The following PRKAR1B variants were observed in gnomAD, a reference collection of about 807,000 sequenced individuals.
The protein encoded by PRKAR1B is protein kinase cAMP-dependent type I regulatory subunit beta, also known as cAMP-dependent protein kinase type I-beta regulatory subunit.
Under a neutral mutation model 46.5 loss-of-function variants are expected in PRKAR1B, and 22 were observed. The observed-to-expected ratio is 0.47, with a 90% CI of 0.34 to 0.68. The LOEUF (loss-of-function observed/expected upper bound fraction) is 0.68, where lower values mean the gene tolerates loss of function less well. Among genes scored for constraint, PRKAR1B ranks in the 30% least tolerant of loss-of-function variants. The pLI, the probability that PRKAR1B is intolerant of heterozygous loss-of-function variation, is 0.01. For synonymous variants in PRKAR1B, 259 were observed against 217.7 expected (o/e 1.19, Z -1.67); for missense variants, 445 against 535.6 (o/e 0.83, Z 1.67).
intron 7 of PRKAR1B, among the ~76,000 whole-genome samples, chr7:588,783 ATGG>A (rs1276252554): frequency 2.4e-5 from 3 of 125,152 alleles, no homozygotes; most frequent in African/African-American, 1.0e-4. Flanking sequence ...GATGGTGGTG[ATGG>A]TGGTGAGGAT....
chr7:705,358 A>T lies in PRKAR1B; in HGVS notation c.177+5971T>A, dbSNP rs568133785. Among the ~76,000 whole-genome samples the T allele has an allele frequency of 4.2e-4, 64 of 152,054 alleles. 1 individual carries two copies. The highest frequency in any genetic ancestry group is 1.5e-3 in the African/African-American group (64 of 41,490). ...AAAAAAACATTTTAGGTGCCACCAT[A>T]TACCTATTAGAATGGCTAAACGTTT... On this transcript the variant is annotated intron_variant, in intron 2 of 10. Transcript: ENST00000537384.
chr7:563,301 C>G (rs959372992), intron 9 of PRKAR1B, among the ~76,000 whole-genome samples: 5 of 152,258 alleles, frequency 3.3e-5, no homozygotes. Context: ...CGGGATACCC[C>G]AGTTTTCTTT....
Position 657,813 on chromosome 7 carries a change from T to G in PRKAR1B, c.440+19416A>C, listed in dbSNP as rs2128493225. ...AATGTCGAGTCTTCAGCAACAGGCT[T>G]GTAAAACAAGAAGAAAATAATTGTC... On this transcript the variant is annotated intron_variant, in intron 4 of 10. Coordinates refer to ENST00000537384, the MANE Select transcript of PRKAR1B (RefSeq NM_001164760.2). Among the ~76,000 whole-genome samples, 3 of 152,278 alleles carry G rather than the reference T, an allele frequency of 2.0e-5. No individual in the cohort carries two copies. The South Asian group carries it at 6.2e-4, about 32-fold the overall frequency.
chr7:559,693 G>A (rs1778667310), intron 9 of PRKAR1B, among the ~76,000 whole-genome samples: 1 of 152,336 alleles, frequency 6.6e-6, no homozygotes, highest in South Asian at 2.1e-4. Context: ...GAGGCTCGCT[G>A]TGGAGTCAGG....
At chr7:688,578 C>T (rs1348415377) in intron 2 of PRKAR1B, among the ~76,000 whole-genome samples, 5 of 152,190 alleles carry the variant, frequency 3.3e-5, no homozygotes, top group Non-Finnish European at 7.3e-5. Flanking sequence ...TCCTCCCACA[C>T]GAAACACACT....
chr7:659,645 C>G (rs1785397485), intron 4 of PRKAR1B, among the ~76,000 whole-genome samples: 1 of 152,214 alleles, frequency 6.6e-6, no homozygotes, highest in African/African-American at 2.4e-5. Context: ...TGGACACCGG[C>G]AGGACAGCAA....
rs544586863 is a variant in PRKAR1B at position 691,945 on chromosome 7, A to G, written c.178-11219T>C. 38 of 674,584 alleles carry G rather than the reference A, an allele frequency of 5.6e-5. No homozygotes were observed. The African/African-American group carries it at 6.3e-4, about 11-fold the overall frequency. The allele number at this position is 674,584 out of a possible 1,614,324, so 41.8% of individuals were successfully genotyped here. A position where few individuals can be genotyped will look rare whatever the true frequency, so the allele number is the denominator to read the frequency against. On this transcript the variant is annotated intron_variant, in intron 2 of 10. Coordinates refer to ENST00000537384, the MANE Select transcript of PRKAR1B (RefSeq NM_001164760.2). ...TTGCTCACATCCATCCCCAGGCTGA[A>G]TCACTGGGAGACGGAAATCAAGGGT...
intron 4 of PRKAR1B, among the ~76,000 whole-genome samples, chr7:655,263 G>A (rs972600821): frequency 5.3e-5 from 8 of 152,138 alleles, no homozygotes; most frequent in African/African-American, 9.7e-5. Flanking sequence ...AAGATCTGGC[G>A]CCTCTTCCTC....
intron 4 of PRKAR1B, among the ~76,000 whole-genome samples, chr7:628,465 G>A (rs545541682): frequency 1.1e-3 from 173 of 152,240 alleles, no homozygotes; most frequent in Non-Finnish European, 2.3e-3. Flanking sequence ...TTTCATTCCT[G>A]GAGGAAGAAA....
At chr7:627,512 C>A (rs1291831092) in intron 4 of PRKAR1B, among the ~76,000 whole-genome samples, 2 of 152,316 alleles carry the variant, frequency 1.3e-5, no homozygotes, top group African/African-American at 4.8e-5. Context: ...CCCAGGCGGT[C>A]GGACAGCCAC....
chr7:612,297 C>T (rs1455047807), intron 4 of PRKAR1B, among the ~76,000 whole-genome samples: 3 of 144,616 alleles, frequency 2.1e-5, no homozygotes, highest in Admixed American at 7.0e-5. Context: ...GATGGACGGA[C>T]AGGTGGGTGG....
chr7:605,115 C>G (rs1042992390), intron 6 of PRKAR1B, among the ~76,000 whole-genome samples: 24 of 152,202 alleles, frequency 1.6e-4, no homozygotes, highest in Admixed American at 1.0e-3. Context: ...TAGCAGAGAG[C>G]AGAAGGAGAA....
At chr7:658,474 CA>C (rs1308840166) in intron 4 of PRKAR1B, among the ~76,000 whole-genome samples, 2 of 152,098 alleles carry the variant, frequency 1.3e-5, no homozygotes, top group African/African-American at 4.8e-5. Context: ...GAAATATTCA[CA>C]GACAAAATGA....
intron 4 of PRKAR1B, among the ~76,000 whole-genome samples, chr7:651,405 T>C (rs1187634613): frequency 6.6e-6 from 1 of 152,242 alleles, no homozygotes; most frequent in African/African-American, 2.4e-5. Flanking sequence ...ACAGAGCTCT[T>C]CCACGAGGCT....
chr7:665,339 G>A (rs532399089), intron 4 of PRKAR1B, among the ~76,000 whole-genome samples: 15 of 152,270 alleles, frequency 9.9e-5, no homozygotes, highest in East Asian at 1.9e-4. Flanking sequence ...TGGGTGGCCC[G>A]ACGCAGCCTG....
intron 9 of PRKAR1B, among the ~76,000 whole-genome samples, chr7:563,488 CA>C (rs1420931120): frequency 6.6e-6 from 1 of 152,248 alleles, no homozygotes; most frequent in Admixed American, 6.5e-5. Context: ...GTCCCAGCCC[CA>C]GGGGGCCCCA....
At chr7:610,456 G>A (rs1051659160) in intron 4 of PRKAR1B, among the ~76,000 whole-genome samples, 1 of 152,128 alleles carries the variant, frequency 6.6e-6, no homozygotes, top group Non-Finnish European at 1.5e-5. Context: ...ATCTCCCCAG[G>A]GACGGAGGAA....
At chr7:726,972 C>G in intron 1 of PRKAR1B, 1 of 1,305,078 alleles carries the variant, frequency 7.7e-7, no homozygotes, top group Non-Finnish European at 9.8e-7. Context: ...TGCTGCGCTG[C>G]CTGAGCGACC....
chr7:700,900 C>T (rs748331687), intron 2 of PRKAR1B, among the ~76,000 whole-genome samples: 17 of 152,134 alleles, frequency 1.1e-4, no homozygotes, highest in Non-Finnish European at 1.9e-4. Context: ...ACCAAAAGGA[C>T]AGGTGGGCAG....
Sources: allele counts gnomAD v4.1 joint callset (sites outside exome capture counted in the v4.1 genomes callset), GRCh38; gene constraint gnomAD v4.1.1; transcripts MANE v1.5; gene names NCBI Gene and HGNC (gene_info 2026-07-23, HGNC 2026-07-21).